The following LRRTM4 variants were observed in gnomAD, a reference collection of about 807,000 sequenced individuals.
LRRTM4 encodes the protein leucine-rich repeat transmembrane neuronal protein 4.
A neutral mutation model predicts 47.6 loss-of-function variants in LRRTM4; 25 were observed. The observed-to-expected ratio is 0.53, with a 90% confidence interval of 0.38 to 0.73. LRRTM4 has a LOEUF of 0.73. Among genes scored for constraint, LRRTM4 ranks in the 30% least tolerant of loss-of-function variants. LRRTM4 has a pLI of 0.00. For synonymous variants in LRRTM4, 311 were observed against 269.5 expected, an observed-to-expected ratio of 1.15 and a Z score of -1.51; for missense variants, 638 against 713.4, an observed-to-expected ratio of 0.89 and a Z score of 1.20.
intron 3 of LRRTM4, among the ~76,000 whole-genome samples, chr2:77,339,880 C>T (rs968591149): frequency 6.6e-6 from 1 of 151,880 alleles, no homozygotes; most frequent in Non-Finnish European, 1.5e-5. Context: ...CTAATTTTAT[C>T]CTCTGCAATG....
chr2:77,210,516 C>T (rs570737291), intron 3 of LRRTM4, among the ~76,000 whole-genome samples: 1 of 152,246 alleles, frequency 6.6e-6, no homozygotes, highest in Admixed American at 6.5e-5. Context: ...TTTTCCTTTT[C>T]TGTCTCTGTG....
intron 3 of LRRTM4, among the ~76,000 whole-genome samples, chr2:77,446,559 C>T (rs760661696): frequency 3.3e-5 from 5 of 151,868 alleles, no homozygotes; most frequent in South Asian, 2.1e-4. Flanking sequence ...AATAATTAGC[C>T]CTTTGTGGGG....
chr2:77,508,043 C>T (rs1470501544), intron 3 of LRRTM4, among the ~76,000 whole-genome samples: 2 of 152,066 alleles, frequency 1.3e-5, no homozygotes, highest in Admixed American at 1.3e-4. Context: ...TAATTTGAAT[C>T]ACCAAAATAG....
chr2:76,951,486 C>T (rs1373265342), intron 3 of LRRTM4, among the ~76,000 whole-genome samples: 2 of 151,946 alleles, frequency 1.3e-5, no homozygotes, highest in Non-Finnish European at 2.9e-5. Flanking sequence ...GGTCACTGGA[C>T]CACATCTTTT....
At position 77,193,321 on chromosome 2, in the gene LRRTM4, C is replaced by A. The variant is rs568711880; in HGVS notation, c.1551+324997G>T. 2.6e-5 allele frequency among the ~76,000 whole-genome samples: 4 copies of A among 152,076 alleles called. No homozygotes were observed. The East Asian group carries it at 7.7e-4, about 29-fold the overall frequency. ...ACAAAGCATTTCTCAGACAATAGTC[C>A]AGGTGTTAAGAAATGCATGACTGTA... On this transcript the variant is annotated intron_variant, in intron 3 of 3. Transcript: ENST00000409884.
chr2:77,019,640 T>C (rs1283777126), intron 3 of LRRTM4, among the ~76,000 whole-genome samples: 2 of 152,090 alleles, frequency 1.3e-5, no homozygotes, highest in Admixed American at 1.3e-4. Context: ...GTGATAAAAA[T>C]TACATCAGTT....
chr2:77,269,139 C>T (rs903183666), intron 3 of LRRTM4, among the ~76,000 whole-genome samples: 6 of 152,078 alleles, frequency 3.9e-5, no homozygotes, highest in East Asian at 3.9e-4. Flanking sequence ...TTTCTTTGAC[C>T]TTCCATCTTT....
chr2:77,450,741 A>C (rs1428304474), intron 3 of LRRTM4, among the ~76,000 whole-genome samples: 1 of 152,132 alleles, frequency 6.6e-6, no homozygotes, highest in Non-Finnish European at 1.5e-5. Flanking sequence ...TAAACATTCC[A>C]GCTGAAGCAC....
At chr2:76,788,419 C>G (rs2104191715) in intron 3 of LRRTM4, among the ~76,000 whole-genome samples, 1 of 152,230 alleles carries the variant, frequency 6.6e-6, no homozygotes, top group South Asian at 2.1e-4. Context: ...CTTTCTTTTA[C>G]TCAATCAGAA....
At chr2:77,172,089 C>G (rs553820658) in intron 3 of LRRTM4, among the ~76,000 whole-genome samples, 1 of 152,172 alleles carries the variant, frequency 6.6e-6, no homozygotes. Flanking sequence ...CTTACAATTT[C>G]CTTCTCTTAT....
chr2:77,215,077 A>G (rs1473906689), intron 3 of LRRTM4, among the ~76,000 whole-genome samples: 2 of 152,180 alleles, frequency 1.3e-5, no homozygotes, highest in African/African-American at 4.8e-5. Flanking sequence ...ACTGTAGTCA[A>G]TTTTTGATGG....
intron 3 of LRRTM4, among the ~76,000 whole-genome samples, chr2:76,907,350 A>C (rs62170301): frequency 0.15 from 22,587 of 149,048 alleles, 1,976 homozygotes; most frequent in Admixed American, 0.21. Flanking sequence ...GTAGTGTGTA[A>C]AGGGAAATTT....
chr2:76,769,994 T>G (rs1363182121), intron 3 of LRRTM4, among the ~76,000 whole-genome samples: 1 of 152,210 alleles, frequency 6.6e-6, no homozygotes, highest in African/African-American at 2.4e-5. Context: ...ACCTCTGGGC[T>G]TGGGCCCAGG....
At chr2:77,183,272 A>G (rs916591340) in intron 3 of LRRTM4, among the ~76,000 whole-genome samples, 45 of 152,210 alleles carry the variant, frequency 3.0e-4, no homozygotes, top group African/African-American at 9.9e-4. Context: ...TGGGTGAAGG[A>G]TATGAACAGA....
intron 3 of LRRTM4, among the ~76,000 whole-genome samples, chr2:77,450,472 A>C (rs1001621046): frequency 6.6e-6 from 1 of 152,216 alleles, no homozygotes; most frequent in Non-Finnish European, 1.5e-5. Context: ...ACATAGGAAG[A>C]AAACAGCTTT....
chr2:76,853,262 T>A (rs1440408543), intron 3 of LRRTM4, among the ~76,000 whole-genome samples: 2 of 152,088 alleles, frequency 1.3e-5, no homozygotes, highest in Non-Finnish European at 1.5e-5. Flanking sequence ...GAGGTAAAAA[T>A]TGATTCAAGA....
At chr2:77,093,381 C>G (rs1221246117) in intron 3 of LRRTM4, among the ~76,000 whole-genome samples, 1 of 151,008 alleles carries the variant, frequency 6.6e-6, no homozygotes, top group African/African-American at 2.5e-5. Flanking sequence ...TTCTGTTATT[C>G]TATTTAGTTT....
At chr2:77,261,853 A>G (rs1675927532) in intron 3 of LRRTM4, among the ~76,000 whole-genome samples, 1 of 152,106 alleles carries the variant, frequency 6.6e-6, no homozygotes. Flanking sequence ...CCTATACAAC[A>G]TGGGTTCCCA....
chr2:77,389,537 A>C (rs1673419054), intron 3 of LRRTM4, among the ~76,000 whole-genome samples: 1 of 152,146 alleles, frequency 6.6e-6, no homozygotes, highest in Non-Finnish European at 1.5e-5. Context: ...CAAAAAGACT[A>C]TAAAGTCCTT....
Sources: gnomAD v4.1 joint callset for allele counts (sites outside exome capture counted in the v4.1 genomes callset) on GRCh38, gnomAD v4.1.1 for gene constraint, MANE v1.5 for transcripts, NCBI Gene and HGNC (gene_info 2026-07-23, HGNC 2026-07-21) for gene names.